Variants in DNAH14 observed in about 807,000 individuals in gnomAD.
The protein encoded by DNAH14 is dynein axonemal heavy chain 14.
A neutral mutation model predicts 520.9 loss-of-function variants in DNAH14; 478 were observed. The ratio of observed to expected loss-of-function variants is 0.92; its 90% confidence interval spans 0.85 to 0.99. The LOEUF (loss-of-function observed/expected upper bound fraction) is 0.99, where lower values mean the gene tolerates loss of function less well. Ranked by LOEUF, DNAH14 falls within the 50% of genes least tolerant of loss-of-function variation. The probability of loss-of-function intolerance (pLI) is 0.00; values close to 1 mark genes in which losing one functional copy is unlikely to be tolerated. For synonymous variants in DNAH14, 1,581 were observed against 1,757.2 expected (o/e 0.90, Z 2.51); for missense variants, 4,831 against 5,234.5 (o/e 0.92, Z 2.38).
Position 225,346,532 on chromosome 1 carries a change from A to G in DNAH14, c.11174A>G (p.Asn3725Ser), listed in dbSNP as rs1348555163. ...FRLCTVIMQN[N>S]ANGNLIQDDI... is the part of the protein sequence containing the mutation. ...CTTTGCACTGTAATCATGCAAAACA[A>G]TGCTAATGGAAATCTAATACAGGAT... Residue 3725 changes from asparagine to serine, a missense_variant, in exon 71 of 86, where the codon AAT becomes AGT. Asn to Ser is a conservative substitution (Grantham distance 46). Coordinates refer to ENST00000682510, the MANE Select transcript of DNAH14 (RefSeq NM_001367479.1). The G allele has an allele frequency of 1.9e-6, 3 of 1,551,268 alleles. No individual in the cohort carries two copies. The highest frequency in any genetic ancestry group is 4.9e-5 in the East Asian group (2 of 40,878).
intron 38 of DNAH14, among the ~76,000 whole-genome samples, chr1:225,202,558 G>A (rs1342703523): frequency 6.6e-6 from 1 of 152,112 alleles, no homozygotes; most frequent in Non-Finnish European, 1.5e-5. Flanking sequence ...CAATAGCACC[G>A]GGTCTGTTTC....
At chr1:225,393,318 A>C (rs2095946675) in intron 84 of DNAH14, among the ~76,000 whole-genome samples, 1 of 152,192 alleles carries the variant, frequency 6.6e-6, no homozygotes, top group African/African-American at 2.4e-5. Context: ...ATGCATCGTT[A>C]AGAGTGTACT....
At chr1:225,355,193 G>A (rs2095416380) in intron 73 of DNAH14, among the ~76,000 whole-genome samples, 1 of 152,160 alleles carries the variant, frequency 6.6e-6, no homozygotes, top group Non-Finnish European at 1.5e-5. Context: ...TTCAGTGGCT[G>A]GTGAGGGCTT....
rs184054261 is a variant in DNAH14 at position 225,156,654 on chromosome 1, A to T, written c.5274-2660A>T. 1.5e-4 allele frequency among the ~76,000 whole-genome samples: 22 copies of T among 150,294 alleles called. 1 individual carries two copies. The East Asian group carries it at 2.5e-3, about 17-fold the overall frequency. On this transcript the variant is annotated intron_variant, in intron 34 of 85. Transcript: ENST00000682510. ...CTGCATCTCTCTGTCTCTTATTAGG[A>T]TACATGTGATTTTATTTACATCTGG...
Position 225,212,657 on chromosome 1 carries a change from T to C in DNAH14, c.6439+5437T>C, listed in dbSNP as rs2088615219. Among the ~76,000 whole-genome samples, 3 of 152,342 alleles carry C rather than the reference T, an allele frequency of 2.0e-5. No homozygotes were observed. The South Asian group carries it at 6.2e-4, about 32-fold the overall frequency. ...TGATTTGCATTTCTCTGATGGCCAATGATGATGAGCATTTTTTCATGTGTT... is the reference window on the plus strand; with the variant it reads ...TGATTTGCATTTCTCTGATGGCCAACGATGATGAGCATTTTTTCATGTGTT... On this transcript the variant is annotated intron_variant, in intron 41 of 85. Transcript: ENST00000682510.
At position 225,159,338 on chromosome 1, in the gene DNAH14, A is replaced by T. The variant is rs906430074; in HGVS notation, c.5298A>T (p.Glu1766Asp). 1.3e-6 allele frequency: 2 copies of T among 1,551,428 alleles called. No homozygotes were observed. Among genetic ancestry groups the T allele is most frequent in the Non-Finnish European group, 1.7e-6 (2 of 1,146,864 alleles). The change falls in exon 35 of 86, where the codon GAA (glutamate) becomes GAT (aspartate). Residue 1766 changes from glutamate to aspartate, a missense_variant. Physicochemically the swap from Glu to Asp is conservative, Grantham distance 45 (BLOSUM62 2). Coordinates refer to ENST00000682510, the MANE Select transcript of DNAH14 (RefSeq NM_001367479.1). ...FKCDTSDSLSEADETLIVIEA... is the reference protein window; with the variant it reads ...FKCDTSDSLSDADETLIVIEA... ...GTGATACCAGTGACAGTCTTTCTGA[A>T]GCAGATGAAACCTTGATTGTTATCG... is the stretch of plus-strand genomic sequence containing the variant.
intron 20 of DNAH14, 133 bp downstream of exon 20, chr1:225,082,872 A>G (rs1035517551): frequency 1.5e-6 from 1 of 682,398 alleles, no homozygotes; most frequent in Non-Finnish European, 2.4e-6. Flanking sequence ...ATAATAGTAC[A>G]TTTGTAGAAT....
chr1:225,082,466 A>G, intron 19 of DNAH14, 83 bp from the exon 20 acceptor site: 2 of 1,137,524 alleles, frequency 1.8e-6, no homozygotes, highest in Middle Eastern at 3.1e-4. Flanking sequence ...AATTTTAAAG[A>G]AAAAAATCTT....
At chr1:224,984,990 T>C (rs1014893461) in intron 8 of DNAH14, among the ~76,000 whole-genome samples, 3 of 152,132 alleles carry the variant, frequency 2.0e-5, no homozygotes, top group Admixed American at 6.6e-5. Flanking sequence ...GATGCAGCAA[T>C]CAGGGAACAC....
chr1:224,968,636 G>A (rs760399740), intron 6 of DNAH14, 123 bp from the exon 7 acceptor site: 5 of 613,302 alleles, frequency 8.2e-6, no homozygotes, highest in Non-Finnish European at 1.3e-5. Context: ...CATAGAAAAA[G>A]CTTAATTATA....
chr1:225,148,879 T>C (rs1353407675), intron 31 of DNAH14, among the ~76,000 whole-genome samples: 2 of 152,212 alleles, frequency 1.3e-5, no homozygotes, highest in East Asian at 3.8e-4. Flanking sequence ...AAAAATTTTC[T>C]TCCGTTCTGT....
intron 20 of DNAH14, among the ~76,000 whole-genome samples, chr1:225,083,762 C>T (rs1315503718): frequency 6.6e-6 from 1 of 152,044 alleles, no homozygotes; most frequent in Admixed American, 6.6e-5. Context: ...GATATACATG[C>T]CCAAGAGGAA....
intron 43 of DNAH14, chr1:225,250,611 C>T (rs2092501188): frequency 2.1e-6 from 1 of 474,418 alleles, no homozygotes; most frequent in African/African-American, 2.0e-5. Flanking sequence ...TTGTTATACT[C>T]ACAGGTTCCT....
Position 225,335,805 on chromosome 1 carries a change from GTACATATATGTACA to G in DNAH14, c.10081-1456_10081-1443del, listed in dbSNP as rs1319975726. On this transcript the variant is annotated intron_variant, in intron 66 of 85. Coordinates refer to ENST00000682510, the MANE Select transcript of DNAH14 (RefSeq NM_001367479.1). ...TATTCATAAGTACATCTATGTATAT[GTACATATATGTACA>G]TACACATATGTACATATATGTACAT... Among the ~76,000 whole-genome samples the G allele has an allele frequency of 1.6e-5, 2 of 126,780 alleles. 1 individual carries two copies. The highest frequency in any genetic ancestry group is 3.3e-5 in the Non-Finnish European group (2 of 59,994). The allele number at this position is 126,780 out of a possible 152,430, so 83.2% of individuals were successfully genotyped here. A position where few individuals can be genotyped will look rare whatever the true frequency, so the allele number is the denominator to read the frequency against.
intron 1 of DNAH14, among the ~76,000 whole-genome samples, chr1:224,933,717 G>A (rs2058843141): frequency 6.6e-6 from 1 of 152,016 alleles, no homozygotes; most frequent in Non-Finnish European, 1.5e-5. Context: ...TCTATGTGAT[G>A]TATCATGCTT....
At chr1:224,955,365 T>C (rs2060445242) in intron 3 of DNAH14, among the ~76,000 whole-genome samples, 1 of 152,194 alleles carries the variant, frequency 6.6e-6, no homozygotes, top group South Asian at 2.1e-4. Context: ...ACAGTTTCCA[T>C]CACTTTTTCA....
At chr1:225,109,650 A>G (rs1053533425) in intron 23 of DNAH14, among the ~76,000 whole-genome samples, 1 of 152,106 alleles carries the variant, frequency 6.6e-6, no homozygotes, top group Non-Finnish European at 1.5e-5. Flanking sequence ...TCATCTGCAA[A>G]CAAGGAGAGT....
intron 10 of DNAH14, among the ~76,000 whole-genome samples, chr1:225,008,673 C>T (rs1250372110): frequency 1.4e-5 from 2 of 146,264 alleles, no homozygotes; most frequent in African/African-American, 5.0e-5. Flanking sequence ...GATTCACCCA[C>T]CTTGGCCTCC....
intron 35 of DNAH14, among the ~76,000 whole-genome samples, chr1:225,167,033 T>C (rs970015093): frequency 6.6e-6 from 1 of 152,208 alleles, no homozygotes; most frequent in African/African-American, 2.4e-5. Flanking sequence ...CAGGTAGGTA[T>C]CTAGGCTTAT....
Sources: allele counts gnomAD v4.1 joint callset (sites outside exome capture counted in the v4.1 genomes callset), GRCh38; gene constraint gnomAD v4.1.1; transcripts MANE v1.5; gene names NCBI Gene and HGNC (gene_info 2026-07-23, HGNC 2026-07-21).